Variants in PCDHA6 observed in about 807,000 individuals in gnomAD.
PCDHA6 encodes protocadherin alpha 6.
Under a neutral mutation model 60.3 loss-of-function variants are expected in PCDHA6, and 55 were observed. The observed-to-expected ratio is 0.91, with a 90% CI of 0.73 to 1.14. The LOEUF is 1.14. Ranked by LOEUF, PCDHA6 falls within the 50% of genes most tolerant of loss-of-function variation. PCDHA6 has a pLI of 0.00. For missense variants in PCDHA6, 1,327 were observed against 1,256.5 expected, an observed-to-expected ratio of 1.06 and a Z score of -0.85; for synonymous variants, 652 against 557.9, an observed-to-expected ratio of 1.17 and a Z score of -2.38.
intron 1 of PCDHA6, chr5:140,883,434 T>G (rs2059607581): frequency 1.2e-6 from 2 of 1,614,038 alleles, no homozygotes; most frequent in Admixed American, 3.3e-5. Flanking sequence ...ACCTGCACCT[T>G]GACGCCGCAT....
rs1226785710 is a variant in PCDHA6, at chr5:140,829,384, C to T, written c.1293C>T (p.Gly431=). The T allele has an allele frequency of 3.1e-6, 5 of 1,614,060 alleles. No individual in the cohort carries two copies. Among genetic ancestry groups the T allele is most frequent in the Non-Finnish European group, 4.2e-6 (5 of 1,180,052 alleles). The change falls in exon 1 of 4, where the codon GGC becomes GGT. Residue 431 remains glycine (G), a synonymous_variant. Coordinates refer to ENST00000529310, the MANE Select transcript of PCDHA6 (RefSeq NM_018909.4). ...TGGTGGTAACCGCGCGGGACGGGGGCTCGCCTTCGCTGTGGGCCACCGCCA... is the reference window on the plus strand; with the variant it reads ...TGGTGGTAACCGCGCGGGACGGGGGTTCGCCTTCGCTGTGGGCCACCGCCA... ...YELVVTARDG[G]SPSLWATASL... is the part of the protein sequence containing the mutation.
intron 1 of PCDHA6, among the ~76,000 whole-genome samples, chr5:140,846,560 G>A (rs1327875705): frequency 6.8e-6 from 1 of 148,012 alleles, no homozygotes; most frequent in Non-Finnish European, 1.5e-5. Context: ...ATTTTTAGTA[G>A]AGTCGGGGTT....
intron 1 of PCDHA6, chr5:140,927,132 G>C: frequency 6.2e-7 from 1 of 1,614,052 alleles, no homozygotes; most frequent in Non-Finnish European, 8.5e-7. Context: ...TCAGAGAGCC[G>C]GCGGACCGCG....
intron 1 of PCDHA6, among the ~76,000 whole-genome samples, chr5:140,971,561 A>G (rs367567903): frequency 1.3e-3 from 195 of 152,186 alleles, no homozygotes; most frequent in African/African-American, 4.3e-3. Context: ...TTAAATTCCC[A>G]TGTTGGGCTT....
At chr5:140,967,492 G>C in intron 1 of PCDHA6, 1 of 1,613,380 alleles carries the variant, frequency 6.2e-7, no homozygotes, top group Non-Finnish European at 8.5e-7. Flanking sequence ...GTACGGCACA[G>C]ATCTCTGTGC....
chr5:140,872,332 T>G (rs2053600467), intron 1 of PCDHA6, among the ~76,000 whole-genome samples: 1 of 152,172 alleles, frequency 6.6e-6, no homozygotes, highest in African/African-American at 2.4e-5. Context: ...ATGACTAAAA[T>G]TCTACATGTT....
intron 1 of PCDHA6, chr5:140,967,828 CATCGTGG>C: frequency 6.2e-7 from 1 of 1,614,146 alleles, no homozygotes. Flanking sequence ...TGCTGGTGGA[CATCGTGG>C]ACGTGAATGA....
At chr5:140,895,532 A>G (rs546443647) in intron 1 of PCDHA6, among the ~76,000 whole-genome samples, 1 of 152,172 alleles carries the variant, frequency 6.6e-6, no homozygotes, top group East Asian at 1.9e-4. Flanking sequence ...TCGTTTTTCA[A>G]TTGTTGAGTT....
chr5:140,921,471 A>G (rs2080231314), intron 1 of PCDHA6, among the ~76,000 whole-genome samples: 1 of 152,182 alleles, frequency 6.6e-6, no homozygotes, highest in Non-Finnish European at 1.5e-5. Context: ...ACCACTACCA[A>G]ACCACTCTAC....
At chr5:140,926,947 G>C in intron 1 of PCDHA6, 1 of 1,590,600 alleles carries the variant, frequency 6.3e-7, no homozygotes, top group Non-Finnish European at 8.6e-7. Context: ...CGGCGCTGCA[G>C]CGGGACAGCT....
At chr5:140,966,360 A>T (rs1169207709) in intron 1 of PCDHA6, 1 of 400,440 alleles carries the variant, frequency 2.5e-6, no homozygotes, top group Non-Finnish European at 4.4e-6. Flanking sequence ...ATGGGGCTGG[A>T]GAGGCTGAGC....
chr5:140,883,447 C>T (rs967998655), intron 1 of PCDHA6: 13 of 1,614,168 alleles, frequency 8.1e-6, no homozygotes, highest in Non-Finnish European at 1.0e-5. Flanking sequence ...CGCCGCATGT[C>T]CCCTTCAAGC....
rs185971380 is a variant in PCDHA6, at chr5:140,858,398, G to C, written c.2394+27913G>C. The C allele has an allele frequency of 3.8e-6, 6 of 1,574,020 alleles. No homozygotes were observed. Among genetic ancestry groups the C allele is most frequent in the South Asian group, 2.3e-5 (2 of 88,596 alleles). ...ACCATGCCCAATGGTAGATGTGGACGGGGAAGATCAGTCTATTGGAGGGGA... is the reference window on the plus strand; with the variant it reads ...ACCATGCCCAATGGTAGATGTGGACCGGGAAGATCAGTCTATTGGAGGGGA... On this transcript the variant is annotated intron_variant, in intron 1 of 3. Coordinates refer to ENST00000529310, the MANE Select transcript of PCDHA6 (RefSeq NM_018909.4).
chr5:140,829,322 A>G lies in PCDHA6; in HGVS notation c.1231A>G (p.Ser411Gly). ...GAATTACTACTCGTTGGTGCTGGAC[A>G]GTGCCCTGGACCGCGAGAGCGTGTC... Reference protein sequence around the residue: ...FKNYYSLVLDSALDRESVSAY... With the variant: ...FKNYYSLVLDGALDRESVSAY... The change falls in exon 1 of 4, where the codon AGT (serine) becomes GGT (glycine). Residue 411 changes from serine to glycine, a missense_variant. Physicochemically the swap from Ser to Gly is moderately conservative, Grantham distance 56. Transcript: ENST00000529310. The G allele has an allele frequency of 6.2e-7, 1 of 1,614,248 alleles. No homozygotes were observed. Among genetic ancestry groups the G allele is most frequent in the Non-Finnish European group, 8.5e-7 (1 of 1,180,046 alleles).
chr5:140,871,543 T>A (rs2053164172), intron 1 of PCDHA6: 2 of 1,503,536 alleles, frequency 1.3e-6, no homozygotes, highest in Non-Finnish European at 1.8e-6. Flanking sequence ...GTGAAATTAT[T>A]TAAAATCCAG....
intron 1 of PCDHA6, among the ~76,000 whole-genome samples, chr5:140,887,132 T>A (rs2061321769): frequency 6.6e-6 from 1 of 151,950 alleles, no homozygotes; most frequent in Non-Finnish European, 1.5e-5. Context: ...AGTCTCACTC[T>A]GTCGCCCAGG....
intron 1 of PCDHA6, chr5:140,837,311 A>G (rs1328894218): frequency 1.3e-5 from 2 of 152,060 alleles, no homozygotes; most frequent in Non-Finnish European, 2.9e-5. Context: ...TGTATTTGCC[A>G]TGTTCATGAA....
Position 140,836,232 on chromosome 5 carries a change from G to T in PCDHA6, c.2394+5747G>T. 4 of 1,613,788 alleles carry T rather than the reference G, an allele frequency of 2.5e-6. No homozygotes were observed. In the South Asian group the frequency reaches 3.3e-5, roughly 13 times the overall value. On this transcript the variant is annotated intron_variant, in intron 1 of 3. Transcript: ENST00000529310. ...GTATGAGTTGCAACCGGTGGCGGCCGGTGCGAGCATCCCGTTCCGCGTGGG... is the reference window on the plus strand; with the variant it reads ...GTATGAGTTGCAACCGGTGGCGGCCTGTGCGAGCATCCCGTTCCGCGTGGG...
intron 3 of PCDHA6, among the ~76,000 whole-genome samples, chr5:140,999,223 G>A (rs1554256702): frequency 3.3e-5 from 5 of 152,316 alleles, no homozygotes; most frequent in African/African-American, 1.2e-4. Flanking sequence ...TACTACATTT[G>A]AGAATAGGTG....
Sources: allele counts gnomAD v4.1 joint callset (sites outside exome capture counted in the v4.1 genomes callset), GRCh38; gene constraint gnomAD v4.1.1; transcripts MANE v1.5; gene names NCBI Gene and HGNC (gene_info 2026-07-23, HGNC 2026-07-21).